Variants in CEP83 observed in about 807,000 individuals in gnomAD.
The protein encoded by CEP83 is centrosomal protein of 83 kDa.
In CEP83, 70 loss-of-function variants were observed where a neutral mutation model predicts 101.9. The observed-to-expected ratio is 0.69, with a 90% CI of 0.57 to 0.84. CEP83 has a LOEUF of 0.84. Among genes scored for constraint, CEP83 ranks in the 40% least tolerant of loss-of-function variants. CEP83 has a pLI of 0.00. For missense variants in CEP83, 715 were observed against 787.2 expected, an observed-to-expected ratio of 0.91 and a Z score of 1.10; for synonymous variants, 264 against 267.9, an observed-to-expected ratio of 0.99 and a Z score of 0.14.
chr12:94,269,072 C>T, the CEP83 span, among the ~76,000 whole-genome samples: 2 of 152,176 alleles, frequency 1.3e-5, no homozygotes, highest in Admixed American at 6.5e-5. Flanking sequence ...ATTTGCTTCA[C>T]TTTCAGGAAG....
chr12:94,377,367 A>T lies in CEP83; in HGVS notation c.802-1350T>A, dbSNP rs2061606133. On this transcript the variant is annotated intron_variant, in intron 7 of 16. Transcript: ENST00000397809. ...CATTAAGAGTATCACACCACATATC[A>T]GTAACCCAGGAAAAGATCAAAATTC... 3.9e-5 allele frequency among the ~76,000 whole-genome samples: 6 copies of T among 152,324 alleles called. No homozygotes were observed. The South Asian group carries it at 1.2e-3, about 32-fold the overall frequency.
At chr12:94,288,932 A>G in the CEP83 span, among the ~76,000 whole-genome samples, 23 of 152,226 alleles carry the variant, frequency 1.5e-4, 1 homozygote, top group Admixed American at 1.5e-3. Flanking sequence ...TTTTTTCTTT[A>G]AATTATCACA....
the CEP83 span, among the ~76,000 whole-genome samples, chr12:94,271,789 T>C: frequency 5.3e-5 from 8 of 152,364 alleles, no homozygotes; most frequent in South Asian, 4.1e-4. Context: ...TCTTGTCTCC[T>C]GTAAGCTTCA....
At chr12:94,335,961 T>C (rs1267831393) in intron 11 of CEP83, 6 of 255,646 alleles carry the variant, frequency 2.3e-5, no homozygotes, top group Admixed American at 5.5e-5. Flanking sequence ...GATTTTGATA[T>C]ACATAAACAA....
intron 2 of CEP83, chr12:94,424,698 T>C: frequency 1.2e-6 from 2 of 1,610,394 alleles, no homozygotes; most frequent in Non-Finnish European, 1.7e-6. Flanking sequence ...TTTGTGGTCT[T>C]GTCCAGTACG....
At chr12:94,457,191 G>C (rs1312964768) in intron 1 of CEP83, among the ~76,000 whole-genome samples, 1 of 152,136 alleles carries the variant, frequency 6.6e-6, no homozygotes, top group African/African-American at 2.4e-5. Flanking sequence ...TTTCCATAAA[G>C]AACATACACT....
At chr12:94,322,890 G>C (rs1245366287) in intron 14 of CEP83, among the ~76,000 whole-genome samples, 1 of 152,226 alleles carries the variant, frequency 6.6e-6, no homozygotes, top group African/African-American at 2.4e-5. Context: ...ACACCAACAA[G>C]GGTGACTAGT....
the CEP83 span, among the ~76,000 whole-genome samples, chr12:94,297,843 T>C: frequency 6.6e-6 from 1 of 152,244 alleles, no homozygotes; most frequent in Admixed American, 6.5e-5. Flanking sequence ...AATTTTTGTT[T>C]TTCATTTTAA....
intron 2 of CEP83, among the ~76,000 whole-genome samples, chr12:94,429,114 G>A (rs1453716271): frequency 6.6e-6 from 1 of 152,134 alleles, no homozygotes; most frequent in East Asian, 1.9e-4. Context: ...AATTCAGGAA[G>A]TTTTTAAATT....
chr12:94,283,566 T>C, the CEP83 span, among the ~76,000 whole-genome samples: 2 of 152,182 alleles, frequency 1.3e-5, no homozygotes, highest in African/African-American at 4.8e-5. Flanking sequence ...GGAGTTTTAT[T>C]ATTACTCAAA....
intron 1 of CEP83, among the ~76,000 whole-genome samples, chr12:94,446,153 T>C (rs1358923081): frequency 2.6e-5 from 4 of 152,230 alleles, no homozygotes; most frequent in Non-Finnish European, 5.9e-5. Flanking sequence ...ATGACCATTG[T>C]CACTCACTGG....
intron 11 of CEP83, among the ~76,000 whole-genome samples, chr12:94,349,975 C>T (rs558066997): frequency 3.9e-5 from 6 of 152,178 alleles, no homozygotes; most frequent in Middle Eastern, 3.4e-3. Flanking sequence ...AACTAAAAGA[C>T]GCTGCTAACA....
the CEP83 span, chr12:94,272,377 G>C: frequency 1.3e-5 from 2 of 152,412 alleles, no homozygotes; most frequent in East Asian, 3.8e-4. Flanking sequence ...GATGTAAGCA[G>C]GGCTGTAGAA....
At chr12:94,344,067 G>A (rs566093435) in intron 11 of CEP83, among the ~76,000 whole-genome samples, 49 of 152,284 alleles carry the variant, frequency 3.2e-4, no homozygotes, top group African/African-American at 1.1e-3. Flanking sequence ...AGAGGTCTTA[G>A]GAGAAACCAA....
chr12:94,360,331 A>C (rs1451296774), intron 11 of CEP83, among the ~76,000 whole-genome samples: 1 of 152,150 alleles, frequency 6.6e-6, no homozygotes, highest in Non-Finnish European at 1.5e-5. Context: ...GGAGAAAGTC[A>C]AAACTGTCCA....
At chr12:94,325,664 T>C (rs895928424) in intron 14 of CEP83, among the ~76,000 whole-genome samples, 13 of 152,134 alleles carry the variant, frequency 8.5e-5, no homozygotes, top group African/African-American at 3.1e-4. Context: ...ATTGGATAAA[T>C]GAATACAGAT....
chr12:94,344,219 CAGAA>C (rs1443778841), intron 11 of CEP83, among the ~76,000 whole-genome samples: 3 of 151,988 alleles, frequency 2.0e-5, no homozygotes, highest in Non-Finnish European at 4.4e-5. Flanking sequence ...AACTCTTTGG[CAGAA>C]AGAAAAATGC....
the CEP83 span, among the ~76,000 whole-genome samples, chr12:94,267,463 A>AT: frequency 6.6e-5 from 10 of 152,034 alleles, no homozygotes; most frequent in East Asian, 5.8e-4. Flanking sequence ...GACTCTTGAA[A>AT]TTTTTTTTTC....
At chr12:94,382,891 G>T (rs1168888405) in intron 6 of CEP83, among the ~76,000 whole-genome samples, 1 of 152,024 alleles carries the variant, frequency 6.6e-6, no homozygotes. Context: ...TCTGATGGTT[G>T]ATGGTGTTAT....
Sources: gnomAD v4.1 joint callset for allele counts (sites outside exome capture counted in the v4.1 genomes callset) on GRCh38, gnomAD v4.1.1 for gene constraint, MANE v1.5 for transcripts, NCBI Gene and HGNC (gene_info 2026-07-23, HGNC 2026-07-21) for gene names.